Variants in DOCK3 observed in about 807,000 individuals in gnomAD.
The protein encoded by DOCK3 is dedicator of cytokinesis protein 3.
Under a neutral mutation model 265.6 loss-of-function variants are expected in DOCK3, and 60 were observed. That is an observed-to-expected ratio of 0.23 (90% CI 0.18 to 0.28). DOCK3 has a LOEUF of 0.28. Among genes scored for constraint, DOCK3 ranks in the 10% least tolerant of loss-of-function variants. The probability of loss-of-function intolerance (pLI) is 1.00; values close to 1 mark genes in which losing one functional copy is unlikely to be tolerated. For synonymous variants in DOCK3, 881 were observed against 938.0 expected (o/e 0.94, Z 1.11); for missense variants, 1,981 against 2,594.3 (o/e 0.76, Z 5.14).
chr3:50,784,201 G>A (rs1357423219), intron 2 of DOCK3, among the ~76,000 whole-genome samples: 1 of 152,184 alleles, frequency 6.6e-6, no homozygotes, highest in Non-Finnish European at 1.5e-5. Flanking sequence ...GAGAGATGGG[G>A]ATTCAGTTTC....
intron 49 of DOCK3, among the ~76,000 whole-genome samples, chr3:51,366,532 T>C (rs1331226750): frequency 6.6e-6 from 1 of 152,226 alleles, no homozygotes; most frequent in East Asian, 1.9e-4. Flanking sequence ...TTCTGCTAGC[T>C]TTTGAATGTG....
chr3:51,008,285 C>T (rs2078772851), intron 5 of DOCK3, among the ~76,000 whole-genome samples: 1 of 151,994 alleles, frequency 6.6e-6, no homozygotes, highest in South Asian at 2.1e-4. Flanking sequence ...TTGTTTGTGC[C>T]CTCTTTTATT....
At chr3:51,363,235 G>A (rs1429841781) in intron 49 of DOCK3, among the ~76,000 whole-genome samples, 5 of 152,156 alleles carry the variant, frequency 3.3e-5, no homozygotes, top group Admixed American at 6.5e-5. Context: ...CAGCATCTTC[G>A]CATCTTTTTC....
At chr3:50,905,265 G>A (rs1486093974) in intron 4 of DOCK3, among the ~76,000 whole-genome samples, 6 of 152,136 alleles carry the variant, frequency 3.9e-5, no homozygotes, top group African/African-American at 1.2e-4. Context: ...GGTTCCATAT[G>A]AACTTTAAAG....
chr3:50,840,881 C>CT (rs1229971420), intron 2 of DOCK3, among the ~76,000 whole-genome samples: 1 of 151,942 alleles, frequency 6.6e-6, no homozygotes, highest in Non-Finnish European at 1.5e-5. Flanking sequence ...AAAGTTGATT[C>CT]TTTTTTTTCA....
At chr3:50,954,123 A>G (rs1446521002) in intron 5 of DOCK3, among the ~76,000 whole-genome samples, 2 of 151,932 alleles carry the variant, frequency 1.3e-5, no homozygotes, top group African/African-American at 4.8e-5. Flanking sequence ...TCTCCCTCCC[A>G]TATATCCTGG....
intron 1 of DOCK3, among the ~76,000 whole-genome samples, chr3:50,710,516 T>C (rs1388759452): frequency 6.6e-6 from 1 of 152,134 alleles, no homozygotes; most frequent in African/African-American, 2.4e-5. Flanking sequence ...TAAAAAGATG[T>C]TGACGTGGAT....
chr3:51,341,532 G>C (rs1256297061), intron 38 of DOCK3, 147 bp downstream of exon 38: 1 of 1,179,152 alleles, frequency 8.5e-7, no homozygotes, highest in Non-Finnish European at 1.2e-6. Flanking sequence ...AAGATGTGGA[G>C]GCAGCATGAT....
At chr3:50,717,018 A>C (rs2107976824) in intron 1 of DOCK3, among the ~76,000 whole-genome samples, 1 of 152,270 alleles carries the variant, frequency 6.6e-6, no homozygotes, top group Non-Finnish European at 1.5e-5. Flanking sequence ...TTCACTGTTC[A>C]GCGAATTTCT....
Position 50,778,667 on chromosome 3 carries a change from T to C in DOCK3, c.38-8T>C. ...TGCTAATTGGTGTGTTTATCCTTGC[T>C]TTTCTAGTGATATGCAGCTTTCGAG... On this transcript the variant is annotated splice_region_variant and splice_polypyrimidine_tract_variant and intron_variant, in intron 1 of 52. Transcript: ENST00000266037. 2 of 1,575,844 alleles carry C rather than the reference T, an allele frequency of 1.3e-6. No homozygotes were observed. The highest frequency in any genetic ancestry group is 1.7e-6 in the Non-Finnish European group (2 of 1,158,852).
rs1199409161 is a variant in DOCK3, at chr3:51,032,119, CGT to C, written c.316-32304_316-32303del. Among the ~76,000 whole-genome samples, 910 of 149,074 alleles carry C rather than the reference CGT, an allele frequency of 6.1e-3. 3 individuals are homozygous for C. The highest frequency in any genetic ancestry group is 7.0e-3 in the Non-Finnish European group (471 of 67,222). On this transcript the variant is annotated intron_variant, in intron 5 of 52. Coordinates refer to ENST00000266037, the MANE Select transcript of DOCK3 (RefSeq NM_004947.5). ...GAGTGTCCTCAAGTACCTCCCTCCT[CGT>C]GTGTGTGTGTGTGTGTGTGTGTGTA...
intron 5 of DOCK3, among the ~76,000 whole-genome samples, chr3:51,041,210 T>A (rs1408433325): frequency 1.3e-3 from 76 of 58,062 alleles, no homozygotes; most frequent in East Asian, 3.0e-3. Context: ...ATATATTTTT[T>A]TTTTTTTTTT....
In DOCK3 at chr3:50,841,322, T is replaced by C. The variant is rs535358817; in HGVS notation, c.122-353T>C. On this transcript the variant is annotated intron_variant, in intron 2 of 52. Transcript: ENST00000266037. ...AGACTGCGAAACAGAAAGTCTGGGC[T>C]GTACTCCCTATCTGCCATGAAAAAA... Among the ~76,000 whole-genome samples the C allele has an allele frequency of 5.3e-5, 8 of 152,338 alleles. No homozygotes were observed. The East Asian group carries it at 1.5e-3, about 29-fold the overall frequency.
chr3:51,093,233 G>C (rs1308631549), intron 9 of DOCK3, among the ~76,000 whole-genome samples: 2 of 152,146 alleles, frequency 1.3e-5, no homozygotes, highest in Non-Finnish European at 2.9e-5. Context: ...GTAGTAGCTT[G>C]ATGGGGATAG....
chr3:51,310,806 C>T (rs925935500), intron 28 of DOCK3, among the ~76,000 whole-genome samples: 1 of 152,198 alleles, frequency 6.6e-6, no homozygotes, highest in African/African-American at 2.4e-5. Flanking sequence ...CTTGTGCTTC[C>T]TCCTGGCAAA....
chr3:50,950,790 TA>T (rs1013459313), intron 5 of DOCK3, among the ~76,000 whole-genome samples: 10 of 152,200 alleles, frequency 6.6e-5, no homozygotes, highest in Admixed American at 6.5e-4. Context: ...AATCTGATGC[TA>T]AAATGCAGTC....
intron 5 of DOCK3, among the ~76,000 whole-genome samples, chr3:50,962,245 A>G (rs2076909888): frequency 6.6e-6 from 1 of 152,112 alleles, no homozygotes; most frequent in Admixed American, 6.5e-5. Flanking sequence ...GAGATGAACC[A>G]CCTTTTTGCA....
At chr3:50,866,644 A>G (rs1037205281) in intron 3 of DOCK3, among the ~76,000 whole-genome samples, 1 of 152,128 alleles carries the variant, frequency 6.6e-6, no homozygotes, top group Non-Finnish European at 1.5e-5. Flanking sequence ...TTCATTCTGC[A>G]TATGGATACT....
chr3:50,873,678 C>T (rs1036884173), intron 3 of DOCK3, among the ~76,000 whole-genome samples: 3 of 152,308 alleles, frequency 2.0e-5, no homozygotes, highest in African/African-American at 7.2e-5. Flanking sequence ...GCCCCAGAGC[C>T]TTTAGCCTGA....
Sources: gnomAD v4.1 joint callset for allele counts (sites outside exome capture counted in the v4.1 genomes callset) on GRCh38, gnomAD v4.1.1 for gene constraint, MANE v1.5 for transcripts, NCBI Gene and HGNC (gene_info 2026-07-23, HGNC 2026-07-21) for gene names.